The following FAT4 variants were observed in gnomAD, a reference collection of about 807,000 sequenced individuals.
The protein encoded by FAT4 is FAT atypical cadherin 4.
A neutral mutation model predicts 303.9 loss-of-function variants in FAT4; 84 were observed. That is an observed-to-expected ratio of 0.28 (90% CI 0.23 to 0.33). The LOEUF (loss-of-function observed/expected upper bound fraction) is 0.33, where lower values mean the gene tolerates loss of function less well. FAT4 is among the 10% of genes least tolerant of loss of function. The pLI is 1.00. For synonymous variants in FAT4, 2,307 were observed against 2,298.8 expected, an observed-to-expected ratio of 1.00 and a Z score of -0.10; for missense variants, 6,005 against 6,146.8, an observed-to-expected ratio of 0.98 and a Z score of 0.77.
At chr4:125,457,431 C>A (rs1726322095) in intron 10 of FAT4, among the ~76,000 whole-genome samples, 2 of 151,832 alleles carry the variant, frequency 1.3e-5, no homozygotes. Context: ...AAGTCTGTAA[C>A]CATGCACATA....
Position 125,316,272 on chromosome 4 carries a change from G to A in FAT4, c.-12-128G>A. On this transcript the variant is annotated intron_variant, in intron 1 of 17. Transcript: ENST00000394329. The surrounding 1 kb of genome is among the most constrained non-coding windows in gnomAD (Gnocchi z 5.7). ...TGATGCTACTTGCTTTTGCCGGACT[G>A]GAGGTTCTTTGAAATAGCAGAGGTC... 8.6e-7 allele frequency: 1 copy of A among 1,161,428 alleles called. No individual in the cohort carries two copies. Among genetic ancestry groups the A allele is most frequent in the Non-Finnish European group, 1.2e-6 (1 of 829,390 alleles). The allele number at this position is 1,161,428 out of a possible 1,614,324, so 71.9% of individuals were successfully genotyped here.
chr4:125,458,622 G>A (rs577260118), intron 10 of FAT4, among the ~76,000 whole-genome samples: 1 of 151,858 alleles, frequency 6.6e-6, no homozygotes, highest in Admixed American at 6.6e-5. Context: ...ACTTATAAAA[G>A]CATTAATAAC....
In FAT4 at chr4:125,448,998, A is replaced by G. The variant is rs764834829; in HGVS notation, c.7988A>G (p.Asp2663Gly). 6.2e-7 allele frequency: 1 copy of G among 1,613,922 alleles called. No homozygotes were observed. Among genetic ancestry groups the G allele is most frequent in the Admixed American group, 1.7e-5 (1 of 59,996 alleles). ...GAGAAACTTGATATAACAGTATTAG[A>G]TGTCAATGATAATGCCCCAATTTTT... is the stretch of plus-strand genomic sequence containing the variant. ...SYEKLDITVL[D>G]VNDNAPIFKE... Residue 2663 changes from aspartate (D) to glycine (G), a missense_variant, in exon 10 of 18, where the codon GAT becomes GGT. Asp to Gly is a moderately conservative substitution (Grantham distance 94, BLOSUM62 -1). Transcript: ENST00000394329.
At chr4:125,428,465 A>T (rs1171318319) in intron 7 of FAT4, among the ~76,000 whole-genome samples, 1 of 152,160 alleles carries the variant, frequency 6.6e-6, no homozygotes, top group Non-Finnish European at 1.5e-5. Context: ...TGGTATCATA[A>T]ATAATTGGAA....
At chr4:125,489,801 A>G (rs930293727) in intron 17 of FAT4, 100 bp from the exon 18 acceptor site, 4 of 928,864 alleles carry the variant, frequency 4.3e-6, no homozygotes, top group Non-Finnish European at 6.2e-6. Flanking sequence ...ATATGAGGTG[A>G]TTGTGGAGCT....
In FAT4 at chr4:125,318,414, C is replaced by T. The variant is rs749083048; in HGVS notation, c.2003C>T (p.Pro668Leu). Residue 668 changes from proline (P) to leucine (L), a missense_variant, in exon 2 of 18, where the codon CCC becomes CTC. By Grantham distance (98) the Pro-to-Leu change is moderately conservative (BLOSUM62 -3). Coordinates refer to ENST00000394329, the MANE Select transcript of FAT4 (RefSeq NM_001291303.3). ...LVLATDLGSP[P>L]QSSMARINVS... The stretch of plus-strand genomic sequence containing the variant: ...CTGGCCACAGATCTGGGCTCCCCTC[C>T]CCAGTCATCAATGGCTCGCATAAAT... The T allele has an allele frequency of 6.2e-7, 1 of 1,614,174 alleles. No individual in the cohort carries two copies. The highest frequency in any genetic ancestry group is 8.5e-7 in the Non-Finnish European group (1 of 1,180,042).
intron 14 of FAT4, 183 bp downstream of exon 14, chr4:125,477,517 AAATT>A: frequency 2.3e-6 from 1 of 436,800 alleles, no homozygotes; most frequent in Non-Finnish European, 3.9e-6. Flanking sequence ...TTTAATTAGA[AAATT>A]AATATGTTTC....
intron 12 of FAT4, among the ~76,000 whole-genome samples, chr4:125,470,624 A>T (rs55830213): frequency 0.036 from 5,491 of 152,248 alleles, 144 homozygotes; most frequent in African/African-American, 0.077. Context: ...CCTCTGCTAC[A>T]TTCCAACTTT....
In FAT4 at chr4:125,318,271, C is replaced by T. The variant is rs1730735932; in HGVS notation, c.1860C>T (p.Phe620=). The T allele has an allele frequency of 6.2e-7, 1 of 1,614,204 alleles. No individual in the cohort carries two copies. The highest frequency in any genetic ancestry group is 8.5e-7 in the Non-Finnish European group (1 of 1,180,038). Residue 620 remains phenylalanine (F), a synonymous_variant, in exon 2 of 18, where the codon TTC becomes TTT. Coordinates refer to ENST00000394329, the MANE Select transcript of FAT4 (RefSeq NM_001291303.3). The stretch of plus-strand genomic sequence containing the variant: ...TGGGTGACAACGGAACAGTGCGCTT[C>T]TCCTTACAAGAGGCAGAGACTGACC... ...GDLGDNGTVR[F]SLQEAETDRR...
At position 125,428,351 on chromosome 4, in the gene FAT4, G is replaced by A. The variant is rs552822334; in HGVS notation, c.7019-5894G>A. Reference sequence around the variant, plus strand: ...CTTGAACTTCATTTGATATATTTGAGCTGACTAAGCTACCAGTCTTAAAGG... The same window carrying A: ...CTTGAACTTCATTTGATATATTTGAACTGACTAAGCTACCAGTCTTAAAGG... On this transcript the variant is annotated intron_variant, in intron 7 of 17. Transcript: ENST00000394329. 4.6e-5 allele frequency among the ~76,000 whole-genome samples: 7 copies of A among 152,120 alleles called. No individual in the cohort carries two copies. The East Asian group carries it at 5.8e-4, about 13-fold the overall frequency.
intron 2 of FAT4, among the ~76,000 whole-genome samples, chr4:125,330,144 G>A (rs1231121315): frequency 1.3e-5 from 2 of 152,072 alleles, no homozygotes; most frequent in Non-Finnish European, 2.9e-5. Context: ...TCGGGCTTTT[G>A]CCTTGGCTCT....
chr4:125,438,121 T>A (rs985112213), intron 8 of FAT4, among the ~76,000 whole-genome samples: 1 of 152,190 alleles, frequency 6.6e-6, no homozygotes, highest in Admixed American at 6.5e-5. Flanking sequence ...CAGATGCTGT[T>A]TCTTAGACAG....
intron 14 of FAT4, among the ~76,000 whole-genome samples, chr4:125,477,733 A>G (rs1049973999): frequency 2.0e-5 from 3 of 152,082 alleles, no homozygotes; most frequent in Admixed American, 6.6e-5. Context: ...ACTTATAGAC[A>G]TACATATTCC....
rs564737680 is a variant in FAT4 at position 125,329,519 on chromosome 4, G to T, written c.5175+7933G>T. Among the ~76,000 whole-genome samples, 329 of 152,152 alleles carry T rather than the reference G, an allele frequency of 2.2e-3. 3 individuals are homozygous for T. The highest frequency in any genetic ancestry group is 2.9e-3 in the Non-Finnish European group (194 of 68,004). ...ACCATGTCCTCAAACTCTAAGTGTT[G>T]GAACATCCCTAAAGCCAGTTCTTGC... On this transcript the variant is annotated intron_variant, in intron 2 of 17. Coordinates refer to ENST00000394329, the MANE Select transcript of FAT4 (RefSeq NM_001291303.3).
At chr4:125,443,058 A>G (rs1187161407) in intron 8 of FAT4, among the ~76,000 whole-genome samples, 1 of 152,164 alleles carries the variant, frequency 6.6e-6, no homozygotes, top group Non-Finnish European at 1.5e-5. Flanking sequence ...TTTATGTCCA[A>G]GTGAACTATG....
At position 125,448,515 on chromosome 4, in the gene FAT4, A is replaced by G. The variant is rs564112739; in HGVS notation, c.7505A>G (p.Glu2502Gly). The change falls in exon 10 of 18, where the codon GAA becomes GGA. Residue 2502 changes from glutamate (E) to glycine (G), a missense_variant. Transcript: ENST00000394329. ...VTDADIGPNS[E>G]LHYSLSGRNS... Reference sequence around the variant, plus strand: ...GATGCTGATATTGGACCAAATTCTGAACTGCATTATTCTCTTTCGGGTAGA... The same window carrying G: ...GATGCTGATATTGGACCAAATTCTGGACTGCATTATTCTCTTTCGGGTAGA... The G allele has an allele frequency of 6.2e-7, 1 of 1,613,570 alleles. No homozygotes were observed. The highest frequency in any genetic ancestry group is 1.1e-5 in the South Asian group (1 of 91,020).
intron 2 of FAT4, among the ~76,000 whole-genome samples, chr4:125,373,431 G>T (rs62321346): frequency 0.3 from 45,760 of 151,932 alleles, 7,838 homozygotes; most frequent in Non-Finnish European, 0.39. Context: ...AGGACAGATT[G>T]TTTTAAAAAG....
At chr4:125,376,452 G>C (rs563086537) in intron 2 of FAT4, among the ~76,000 whole-genome samples, 123 of 152,106 alleles carry the variant, frequency 8.1e-4, no homozygotes, top group Non-Finnish European at 1.4e-3. Context: ...CCTGTCGTGG[G>C]GTGAGGGGAG....
At chr4:125,427,465 T>C (rs1725121682) in intron 7 of FAT4, among the ~76,000 whole-genome samples, 1 of 152,052 alleles carries the variant, frequency 6.6e-6, no homozygotes, top group Non-Finnish European at 1.5e-5. Flanking sequence ...TATAAGCATA[T>C]ATGTAGAACT....
Sources: gnomAD v4.1 joint callset for allele counts (sites outside exome capture counted in the v4.1 genomes callset) on GRCh38, gnomAD v4.1.1 for gene constraint, Gnocchi (gnomAD v3.1) non-coding constraint, MANE v1.5 for transcripts, NCBI Gene and HGNC (gene_info 2026-07-23, HGNC 2026-07-21) for gene names.